MLXIPL: variants seen among roughly 807,000 people sequenced by gnomAD.
MLXIPL encodes carbohydrate-responsive element-binding protein.
In MLXIPL, 49 loss-of-function variants were observed where a neutral mutation model predicts 81.5. That is an observed-to-expected ratio of 0.60 (90% CI 0.48 to 0.76). MLXIPL has a LOEUF of 0.76. MLXIPL is among the 30% of genes least tolerant of loss of function. The pLI, the probability that MLXIPL is intolerant of heterozygous loss-of-function variation, is 0.00. For missense variants in MLXIPL, 1,053 were observed against 1,167.0 expected (o/e 0.90, Z 1.42); for synonymous variants, 466 against 485.5 (o/e 0.96, Z 0.53).
chr7:73,638,676 G>A, the MLXIPL span, among the ~76,000 whole-genome samples: 1 of 152,212 alleles, frequency 6.6e-6, no homozygotes, highest in East Asian at 1.9e-4. Context: ...AGGTTGGAGT[G>A]CAGTGGTGCA....
At chr7:73,624,148 C>A (rs1364846061) in intron 1 of MLXIPL, 52 bp downstream of exon 1, 12 of 1,468,078 alleles carry the variant, frequency 8.2e-6, no homozygotes, top group Admixed American at 2.2e-5. Context: ...CCGGACCCCC[C>A]CCCCATCCCC....
At chr7:73,615,914 A>G (rs1795980540) in intron 2 of MLXIPL, among the ~76,000 whole-genome samples, 157 bp downstream of exon 2, 1 of 134,894 alleles carries the variant, frequency 7.4e-6, no homozygotes, top group South Asian at 2.2e-4. Context: ...CTGTGTCTCA[A>G]AAAAAAAAAA....
chr7:73,625,300 T>C (rs1796672714), upstream of MLXIPL, among the ~76,000 whole-genome samples: 1 of 152,090 alleles, frequency 6.6e-6, no homozygotes, highest in Admixed American at 6.6e-5. Context: ...CTCACCTAAC[T>C]CCTGCCCTTC....
upstream of MLXIPL, among the ~76,000 whole-genome samples, chr7:73,629,136 G>T (rs540965935): frequency 5.0e-4 from 76 of 151,460 alleles, no homozygotes; most frequent in Non-Finnish European, 9.7e-4. Flanking sequence ...TCCACCTCCC[G>T]GATTCAAGCG....
chr7:73,633,596 G>A, the MLXIPL span, among the ~76,000 whole-genome samples: 1 of 152,048 alleles, frequency 6.6e-6, no homozygotes, highest in South Asian at 2.1e-4. Flanking sequence ...TGGGATTACA[G>A]GTGGGAGCCA....
Position 73,593,270 on chromosome 7 carries a change from CACACAT to C in MLXIPL, c.*589_*594del. 5.6e-6 allele frequency: 1 copy of C among 177,072 alleles called. No homozygotes were observed. The allele number at this position is 177,072 out of a possible 1,614,324, so 11.0% of individuals were successfully genotyped here. On this transcript the variant is annotated 3_prime_UTR_variant, in exon 17 of 17. Coordinates refer to ENST00000313375, the MANE Select transcript of MLXIPL (RefSeq NM_032951.3). ...ACACACACACATCCACACACACACACACACATGATGCCTGCCCTGCTGTGGTCACTC... is the reference window on the plus strand; with the variant it reads ...ACACACACACATCCACACACACACACGATGCCTGCCCTGCTGTGGTCACTC...
chr7:73,644,622 T>C, the MLXIPL span, among the ~76,000 whole-genome samples: 8 of 152,338 alleles, frequency 5.3e-5, no homozygotes, highest in South Asian at 1.7e-3. Context: ...ATGTGGGTTT[T>C]CTTCTTCTGT....
chr7:73,619,640 G>A (rs549056373), intron 1 of MLXIPL, among the ~76,000 whole-genome samples: 1 of 148,810 alleles, frequency 6.7e-6, no homozygotes, highest in East Asian at 2.0e-4. Flanking sequence ...TAAAAAACAA[G>A]TAAATTCTGG....
chr7:73,644,576 T>C, the MLXIPL span, among the ~76,000 whole-genome samples: 1 of 152,092 alleles, frequency 6.6e-6, no homozygotes, highest in African/African-American at 2.4e-5. Context: ...AAAGATGAAA[T>C]GAAATATGTA....
upstream of MLXIPL, among the ~76,000 whole-genome samples, chr7:73,625,464 G>A (rs1796684920): frequency 6.6e-6 from 1 of 152,130 alleles, no homozygotes; most frequent in African/African-American, 2.4e-5. Context: ...TAACATGGTG[G>A]CCAACACGGT....
chr7:73,628,938 G>T (rs1340942242), upstream of MLXIPL, among the ~76,000 whole-genome samples: 2 of 152,126 alleles, frequency 1.3e-5, no homozygotes, highest in Non-Finnish European at 2.9e-5. Context: ...CACCCAGCCT[G>T]CCCTTCCTTG....
chr7:73,618,999 C>A (rs1207286600), intron 1 of MLXIPL, among the ~76,000 whole-genome samples: 2 of 152,140 alleles, frequency 1.3e-5, no homozygotes, highest in East Asian at 3.9e-4. Context: ...AGAGACTCAG[C>A]CTGGAGGAAG....
intron 2 of MLXIPL, among the ~76,000 whole-genome samples, chr7:73,612,642 CA>C (rs11343007): frequency 0.3 from 34,155 of 112,892 alleles, 4,001 homozygotes; most frequent in Middle Eastern, 0.36. Flanking sequence ...ACCCCCATCT[CA>C]AAAAAAAAAA....
chr7:73,628,007 AGATGAG>A (rs1194851125), upstream of MLXIPL, among the ~76,000 whole-genome samples: 10 of 152,052 alleles, frequency 6.6e-5, no homozygotes. Context: ...GCTGTTGTAA[AGATGAG>A]GTCTCACTAT....
At chr7:73,605,827 C>G (rs557346742) in intron 6 of MLXIPL, 59 bp from the exon 7 acceptor site, 1 of 1,588,932 alleles carries the variant, frequency 6.3e-7, no homozygotes, top group African/African-American at 1.3e-5. Flanking sequence ...GGTCCCCACC[C>G]CCATCCCCAG....
chr7:73,596,083 G>A lies in MLXIPL; in HGVS notation c.2058+70C>T, dbSNP rs1335019353. 9 of 1,598,802 alleles carry A rather than the reference G, an allele frequency of 5.6e-6. No homozygotes were observed. Among genetic ancestry groups the A allele is most frequent in the Non-Finnish European group, 7.7e-6 (9 of 1,175,420 alleles). The stretch of plus-strand genomic sequence containing the variant: ...GTCTGGAGCACTCCCCTGCAATTGA[G>A]TTTTGGGTGGGGGGGGTCCAGAAAG... On this transcript the variant is annotated intron_variant, in intron 13 of 16. Transcript: ENST00000313375. The surrounding 1 kb of genome is among the most constrained non-coding windows in gnomAD (Gnocchi z 4.7).
chr7:73,608,580 CAAAGAAAAAAAAA>C (rs558305228), intron 2 of MLXIPL, among the ~76,000 whole-genome samples: 14 of 146,456 alleles, frequency 9.6e-5, no homozygotes, highest in African/African-American at 2.0e-4. Flanking sequence ...GAATCCATCT[CAAAGAAAAAAAAA>C]AAAGAAAAAA....
intron 7 of MLXIPL, among the ~76,000 whole-genome samples, chr7:73,601,812 G>C (rs1554596352): frequency 1.3e-5 from 2 of 152,130 alleles, no homozygotes; most frequent in African/African-American, 4.8e-5. Context: ...GATGACAGGA[G>C]TGAGTCACCG....
At chr7:73,645,269 C>T in the MLXIPL span, among the ~76,000 whole-genome samples, 2 of 152,206 alleles carry the variant, frequency 1.3e-5, no homozygotes, top group Non-Finnish European at 2.9e-5. Context: ...CTCAAGCAAC[C>T]CTCCCACTTT....
Sources: gnomAD v4.1 joint callset for allele counts (sites outside exome capture counted in the v4.1 genomes callset) on GRCh38, gnomAD v4.1.1 for gene constraint, Gnocchi (gnomAD v3.1) non-coding constraint, MANE v1.5 for transcripts, NCBI Gene and HGNC (gene_info 2026-07-23, HGNC 2026-07-21) for gene names.